RFX7: variants seen among roughly 807,000 people sequenced by gnomAD.
RFX7 encodes the protein DNA-binding protein RFX7.
In RFX7, 26 loss-of-function variants were observed where a neutral mutation model predicts 111.8. The ratio of observed to expected loss-of-function variants is 0.23; its 90% CI spans 0.17 to 0.32. The LOEUF (loss-of-function observed/expected upper bound fraction) is 0.32, where lower values mean the gene tolerates loss of function less well. Among genes scored for constraint, RFX7 ranks in the 10% least tolerant of loss-of-function variants. The pLI, the probability that RFX7 is intolerant of heterozygous loss-of-function variation, is 1.00. For missense variants in RFX7, 1,573 were observed against 1,772.9 expected, an observed-to-expected ratio of 0.89 and a Z score of 2.02; for synonymous variants, 624 against 624.4, an observed-to-expected ratio of 1.00 and a Z score of 0.01.
At position 56,243,807 on chromosome 15, in the gene RFX7, T is replaced by C. The variant is rs1210081813; in HGVS notation, c.-365A>G. ...CCCACGCCGCCGCCGCCGCCGCCGC[T>C]CGCTCCCGGCCCCGCCGCCGCCGCG... is the stretch of plus-strand genomic sequence containing the variant. On this transcript the variant is annotated 5_prime_UTR_variant, in exon 1 of 10. Coordinates refer to ENST00000559447, the MANE Select transcript of RFX7 (RefSeq NM_022841.7). 2.1e-5 allele frequency among the ~76,000 whole-genome samples: 3 copies of C among 146,174 alleles called. No individual in the cohort carries two copies. Among genetic ancestry groups the C allele is most frequent in the South Asian group, 2.1e-4 (1 of 4,782 alleles).
chr15:56,191,946 CCT>C (rs2043104398), intron 2 of RFX7, among the ~76,000 whole-genome samples: 1 of 152,102 alleles, frequency 6.6e-6, no homozygotes, highest in Admixed American at 6.5e-5. Flanking sequence ...ACAGACACAC[CCT>C]GTCTGTCCCA....
At chr15:56,114,344 G>A (rs2041978323) in intron 5 of RFX7, among the ~76,000 whole-genome samples, 1 of 149,012 alleles carries the variant, frequency 6.7e-6, no homozygotes, top group African/African-American at 2.5e-5. Flanking sequence ...CCGGGAGGTG[G>A]AGGTTGCAGT....
chr15:56,198,243 T>C (rs2043163269), intron 2 of RFX7, among the ~76,000 whole-genome samples: 1 of 151,904 alleles, frequency 6.6e-6, no homozygotes, highest in Non-Finnish European at 1.5e-5. Context: ...ATCCCTAACC[T>C]GAAGTTCAAA....
At chr15:56,186,333 T>G (rs537634074) in intron 2 of RFX7, among the ~76,000 whole-genome samples, 1 of 152,190 alleles carries the variant, frequency 6.6e-6, no homozygotes, top group Non-Finnish European at 1.5e-5. Flanking sequence ...TCCCCAGCAT[T>G]TAAGGTCTGT....
At chr15:56,140,790 T>C (rs1241807795) in intron 5 of RFX7, among the ~76,000 whole-genome samples, 5 of 152,212 alleles carry the variant, frequency 3.3e-5, no homozygotes, top group Admixed American at 3.3e-4. Context: ...TAAGAATTTA[T>C]GGGAATCTTT....
At chr15:56,191,691 G>GA (rs200362111) in intron 2 of RFX7, among the ~76,000 whole-genome samples, 15 of 150,270 alleles carry the variant, frequency 1.0e-4, no homozygotes, top group Middle Eastern at 3.2e-3. Context: ...TTTCTTGTGG[G>GA]AAAAAAAAAC....
rs1296994862 is a variant in RFX7 at position 56,090,245 on chromosome 15, A to G, written c.*3100T>C. The G allele has an allele frequency of 1.3e-5, 2 of 152,228 alleles. No individual in the cohort carries two copies. The highest frequency in any genetic ancestry group is 3.8e-4 in the East Asian group (2 of 5,200). 9.4% of individuals were successfully genotyped at this position (152,228 alleles called of 1,614,324 possible). ...GTACTCCATAGGCTAACATTTAAACACTATGTGAAAGAGAAAAAGATGGCT... is the reference window on the plus strand; with the variant it reads ...GTACTCCATAGGCTAACATTTAAACGCTATGTGAAAGAGAAAAAGATGGCT... On this transcript the variant is annotated 3_prime_UTR_variant, in exon 10 of 10. Coordinates refer to ENST00000559447, the MANE Select transcript of RFX7 (RefSeq NM_022841.7).
At chr15:56,131,335 T>TTGGTGCAATCA (rs11273926) in intron 5 of RFX7, among the ~76,000 whole-genome samples, 2 of 146,034 alleles carry the variant, frequency 1.4e-5, no homozygotes, top group African/African-American at 2.6e-5. Flanking sequence ...TTGGAGTGCA[T>TTGGTGCAATCA]TGGCTTACTG....
At chr15:56,177,178 C>T (rs547893632) in intron 3 of RFX7, among the ~76,000 whole-genome samples, 32 of 152,252 alleles carry the variant, frequency 2.1e-4, no homozygotes, top group Non-Finnish European at 4.4e-4. Context: ...CCTTCTACCT[C>T]ATGTGTGTCA....
intron 5 of RFX7, among the ~76,000 whole-genome samples, chr15:56,106,410 A>T (rs1238750107): frequency 1.3e-5 from 2 of 152,242 alleles, no homozygotes; most frequent in Admixed American, 1.3e-4. Flanking sequence ...TCAAAACTTT[A>T]TGCTTTGATA....
At chr15:56,205,817 G>A (rs2043245018) in intron 2 of RFX7, among the ~76,000 whole-genome samples, 1 of 152,132 alleles carries the variant, frequency 6.6e-6, no homozygotes, top group Non-Finnish European at 1.5e-5. Flanking sequence ...AGGAAAGACA[G>A]CTTTTCCAAC....
intron 3 of RFX7, among the ~76,000 whole-genome samples, chr15:56,173,738 G>A (rs2042871354): frequency 6.6e-6 from 1 of 152,084 alleles, no homozygotes; most frequent in South Asian, 2.1e-4. Context: ...AGGTTGCAGT[G>A]AGCTGTGGTT....
At chr15:56,175,934 T>A (rs2042898000) in intron 3 of RFX7, among the ~76,000 whole-genome samples, 1 of 152,192 alleles carries the variant, frequency 6.6e-6, no homozygotes, top group African/African-American at 2.4e-5. Context: ...GGGAAGTGTT[T>A]AGTCATTAGT....
At chr15:56,111,457 G>C (rs370624047) in intron 5 of RFX7, among the ~76,000 whole-genome samples, 13 of 150,736 alleles carry the variant, frequency 8.6e-5, no homozygotes, top group South Asian at 4.2e-4. Flanking sequence ...CAGCATGCTC[G>C]TTAAGAGTCA....
At chr15:56,184,023 G>GT (rs200495055) in intron 2 of RFX7, among the ~76,000 whole-genome samples, 17,651 of 139,106 alleles carry the variant, frequency 0.13, 1,157 homozygotes, top group African/African-American at 0.17. Flanking sequence ...GCATGTAGTT[G>GT]TTTTTTTTTT....
At chr15:56,134,528 ATGC>A (rs2042264102) in intron 5 of RFX7, among the ~76,000 whole-genome samples, 1 of 151,722 alleles carries the variant, frequency 6.6e-6, no homozygotes, top group African/African-American at 2.4e-5. Context: ...TTTCCTAATC[ATGC>A]TATTATAAAA....
At chr15:56,151,094 C>A (rs539207530) in intron 3 of RFX7, among the ~76,000 whole-genome samples, 2 of 152,072 alleles carry the variant, frequency 1.3e-5, no homozygotes, top group South Asian at 2.1e-4. Flanking sequence ...GATTGGTATA[C>A]CTGAAAGTGA....
In RFX7 at chr15:56,243,222, T is replaced by A; in HGVS notation, c.64A>T (p.Ser22Cys). The change falls in exon 2 of 10, where the codon AGC (serine) becomes TGC (cysteine). Residue 22 changes from serine to cysteine, a missense_variant. Ser to Cys is a moderately radical substitution (Grantham distance 112, BLOSUM62 -1). Coordinates refer to ENST00000559447, the MANE Select transcript of RFX7 (RefSeq NM_022841.7). The stretch of plus-strand genomic sequence containing the variant: ...AGGGCCACCCCCGAGTTGGGGGCGC[T>A]GGGGGGAAGCTGCTGATGGGCATCA... ...QPDAHQQLPP[S>C]APNSGVALPA... 1.5e-6 allele frequency: 2 copies of A among 1,300,036 alleles called. No individual in the cohort carries two copies. The highest frequency in any genetic ancestry group is 2.0e-6 in the Non-Finnish European group (2 of 993,524). The allele number at this position is 1,300,036 out of a possible 1,614,324, so 80.5% of individuals were successfully genotyped here.
Position 56,088,135 on chromosome 15 carries a change from C to A in RFX7, c.*5210G>T, listed in dbSNP as rs2041549979. ...AATAAAGAACTCCACAAAAATCAAACTCAATTCTAAATTTAAAACCAGAAT... is the reference window on the plus strand; with the variant it reads ...AATAAAGAACTCCACAAAAATCAAAATCAATTCTAAATTTAAAACCAGAAT... On this transcript the variant is annotated 3_prime_UTR_variant, in exon 10 of 10. Transcript: ENST00000559447. The A allele has an allele frequency of 5.2e-6, 1 of 192,958 alleles. No homozygotes were observed. Among genetic ancestry groups the A allele is most frequent in the African/African-American group, 2.4e-5 (1 of 41,870 alleles). 12.0% of individuals were successfully genotyped at this position (192,958 alleles called of 1,614,324 possible). A position where few individuals can be genotyped will look rare whatever the true frequency, so the allele number is the denominator to read the frequency against.
Sources: gnomAD v4.1 joint callset for allele counts (sites outside exome capture counted in the v4.1 genomes callset) on GRCh38, gnomAD v4.1.1 for gene constraint, MANE v1.5 for transcripts, NCBI Gene and HGNC (gene_info 2026-07-23, HGNC 2026-07-21) for gene names.